The following TRAF3IP2 variants were observed in gnomAD, a reference collection of about 807,000 sequenced individuals.
TRAF3IP2 encodes E3 ubiquitin ligase TRAF3IP2.
Under a neutral mutation model 57.9 loss-of-function variants are expected in TRAF3IP2, and 35 were observed. The ratio of observed to expected loss-of-function variants is 0.60; its 90% CI spans 0.46 to 0.80. The LOEUF is 0.80. TRAF3IP2 is among the 30% of genes least tolerant of loss of function. The probability of loss-of-function intolerance (pLI) is 0.00; values close to 1 mark genes in which losing one functional copy is unlikely to be tolerated. For missense variants in TRAF3IP2, 556 were observed against 706.4 expected (o/e 0.79, Z 2.41); for synonymous variants, 251 against 268.9 (o/e 0.93, Z 0.65).
rs1181049412 is a variant in TRAF3IP2 at position 111,559,419 on chromosome 6, C to T, written c.1684G>A (p.Val562Met). The change falls in exon 9 of 9, where the codon GTG becomes ATG. Residue 562 changes from valine (V) to methionine (M), a missense_variant. Physicochemically the swap from Val to Met is conservative, Grantham distance 21. Transcript: ENST00000368761. ...GATGAACGGTGTCACAAGGGAACCA[C>T]CTGAAGGGTGGGCAGAGGCCCCCGT... is the stretch of plus-strand genomic sequence containing the variant. The part of the protein sequence containing the change: ...PPRGPLPTLQ[V>M]VPL The T allele has an allele frequency of 2.1e-5, 34 of 1,613,652 alleles. No homozygotes were observed. The highest frequency in any genetic ancestry group is 8.9e-5 in the East Asian group (4 of 44,898).
At chr6:111,568,432 AGTGTGTGTGTGTGTGTGTGTGTGTGTGT>A (rs58088162) in intron 5 of TRAF3IP2, among the ~76,000 whole-genome samples, 2,541 of 146,826 alleles carry the variant, frequency 0.017, 63 homozygotes, top group Admixed American at 0.049. Flanking sequence ...TATACTGCAG[AGTGTGTGTGTGTGTGTGTGTGTGTGTGT>A]GTGTGTGTGT....
At chr6:111,570,902 CT>C (rs1352843286) in intron 5 of TRAF3IP2, among the ~76,000 whole-genome samples, 2 of 151,384 alleles carry the variant, frequency 1.3e-5, no homozygotes, top group African/African-American at 2.4e-5. Flanking sequence ...ACAGTGCTTT[CT>C]TTTTTTCTTT....
chr6:111,585,356 C>T (rs1583234419), intron 2 of TRAF3IP2, among the ~76,000 whole-genome samples: 1 of 149,194 alleles, frequency 6.7e-6, no homozygotes, highest in African/African-American at 2.5e-5. Flanking sequence ...AATGGCTTTT[C>T]CAAGGCTTCA....
intron 1 of TRAF3IP2, among the ~76,000 whole-genome samples, chr6:111,599,349 C>T (rs1302160838): frequency 6.6e-6 from 1 of 152,064 alleles, no homozygotes; most frequent in Non-Finnish European, 1.5e-5. Flanking sequence ...CTTTTTGCCT[C>T]CTCGGGCCTG....
chr6:111,583,884 T>C (rs887640255), intron 2 of TRAF3IP2, among the ~76,000 whole-genome samples: 1 of 152,034 alleles, frequency 6.6e-6, no homozygotes, highest in Non-Finnish European at 1.5e-5. Context: ...GGTTTTTTGG[T>C]TTAATCGGTG....
chr6:111,556,510 G>T lies in TRAF3IP2; in HGVS notation c.*2895C>A, dbSNP rs904993789. Reference sequence around the variant, plus strand: ...AATCCTTAATGATGGTGTCACCTCAGACTAAAAAAGATAATGAAAAAAGAG... The same window carrying T: ...AATCCTTAATGATGGTGTCACCTCATACTAAAAAAGATAATGAAAAAAGAG... On this transcript the variant is annotated 3_prime_UTR_variant, in exon 9 of 9. Coordinates refer to ENST00000368761, the MANE Select transcript of TRAF3IP2 (RefSeq NM_147686.4). 6.6e-6 allele frequency: 1 copy of T among 152,082 alleles called. No individual in the cohort carries two copies. The highest frequency in any genetic ancestry group is 1.5e-5 in the Non-Finnish European group (1 of 68,020). The allele number at this position is 152,082 out of a possible 1,614,324, so 9.4% of individuals were successfully genotyped here.
chr6:111,585,837 G>GTTATTT (rs1562430490), intron 2 of TRAF3IP2, among the ~76,000 whole-genome samples: 1 of 152,136 alleles, frequency 6.6e-6, no homozygotes, highest in Non-Finnish European at 1.5e-5. Flanking sequence ...AATCACAAAT[G>GTTATTT]GGCGCCCAGG....
Position 111,591,950 on chromosome 6 carries a change from C to A in TRAF3IP2, c.137G>T (p.Ser46Ile). 1 of 1,614,172 alleles carries A rather than the reference C, an allele frequency of 6.2e-7. No homozygotes were observed. The highest frequency in any genetic ancestry group is 8.5e-7 in the Non-Finnish European group (1 of 1,180,044). The stretch of plus-strand genomic sequence containing the variant: ...GTGAAGCATTGTGGGTGCAGACAAG[C>A]TGTTGGGTGCCATGTTCCTTATATT... ...APNIRNMAPN[S>I]LSAPTMLHNS... Residue 46 changes from serine to isoleucine, a missense_variant, in exon 2 of 9, where the codon AGC (serine) becomes ATC (isoleucine). By Grantham distance (142) the Ser-to-Ile change is moderately radical. This residue lies in a region of TRAF3IP2 where 428 missense variants were observed against 498.7 expected (regional missense o/e 0.86). Coordinates refer to ENST00000368761, the MANE Select transcript of TRAF3IP2 (RefSeq NM_147686.4). This position sits in a 1 kb window ranked among gnomAD's most constrained non-coding sequence, Gnocchi z 4.9.
Position 111,558,607 on chromosome 6 carries a change from G to A in TRAF3IP2, c.*798C>T, listed in dbSNP as rs1795324336. ...ACCACCATGCCCGGCTAACTTTTTT[G>A]TAATTTTAGCAGAGATGGGGTTTCA... On this transcript the variant is annotated 3_prime_UTR_variant, in exon 9 of 9. Coordinates refer to ENST00000368761, the MANE Select transcript of TRAF3IP2 (RefSeq NM_147686.4). 6.6e-6 allele frequency: 1 copy of A among 152,092 alleles called. No individual in the cohort carries two copies. 9.4% of individuals were successfully genotyped at this position (152,092 alleles called of 1,614,324 possible). A position where few individuals can be genotyped will look rare whatever the true frequency, so the allele number is the denominator to read the frequency against.
chr6:111,577,712 G>A lies in TRAF3IP2; in HGVS notation c.1023-1891C>T, dbSNP rs529491501. On this transcript the variant is annotated intron_variant, in intron 3 of 8. Coordinates refer to ENST00000368761, the MANE Select transcript of TRAF3IP2 (RefSeq NM_147686.4). ...TTGTGTGTATGTGTGTGTGTGTTTT[G>A]TTTGTTTTTTAGTTTTTGAGACAGA... is the stretch of plus-strand genomic sequence containing the variant. 1.1e-4 allele frequency among the ~76,000 whole-genome samples: 16 copies of A among 150,784 alleles called. No individual in the cohort carries two copies. In the South Asian group the frequency reaches 3.4e-3, roughly 32 times the overall value.
chr6:111,579,376 C>T (rs554843348), intron 3 of TRAF3IP2, among the ~76,000 whole-genome samples: 9 of 144,140 alleles, frequency 6.2e-5, no homozygotes, highest in South Asian at 4.4e-4. Context: ...CATGAAAATA[C>T]GGAGTTAAGC....
chr6:111,577,587 C>T (rs1308591722), intron 3 of TRAF3IP2, among the ~76,000 whole-genome samples: 2 of 151,774 alleles, frequency 1.3e-5, no homozygotes, highest in Non-Finnish European at 2.9e-5. Context: ...GATGGGATTT[C>T]GCCATGTTGC....
intron 1 of TRAF3IP2, among the ~76,000 whole-genome samples, chr6:111,602,499 GAAGT>G (rs1248532075): frequency 6.6e-6 from 1 of 152,156 alleles, no homozygotes; most frequent in Non-Finnish European, 1.5e-5. Flanking sequence ...GAACGGAAGA[GAAGT>G]AAGGAAAGTG....
intron 7 of TRAF3IP2, among the ~76,000 whole-genome samples, chr6:111,563,258 G>C (rs1215855151): frequency 3.3e-5 from 5 of 152,156 alleles, no homozygotes; most frequent in African/African-American, 1.2e-4. Flanking sequence ...GTCAGACTTT[G>C]GGTTTTAAGG....
At chr6:111,562,182 G>A (rs1488453606) in intron 8 of TRAF3IP2, among the ~76,000 whole-genome samples, 1 of 152,200 alleles carries the variant, frequency 6.6e-6, no homozygotes, top group African/African-American at 2.4e-5. Flanking sequence ...CTTGCTGGCA[G>A]ACCCTTCTGG....
At chr6:111,579,239 C>A (rs1796085313) in intron 3 of TRAF3IP2, among the ~76,000 whole-genome samples, 1 of 144,286 alleles carries the variant, frequency 6.9e-6, no homozygotes. Flanking sequence ...ATAGCTTGAA[C>A]CCAGGAGGCG....
intron 2 of TRAF3IP2, among the ~76,000 whole-genome samples, chr6:111,587,904 T>C (rs1021233637): frequency 1.3e-5 from 2 of 152,216 alleles, no homozygotes; most frequent in African/African-American, 4.8e-5. Flanking sequence ...TAATAAACAT[T>C]CTTGTTCTTG....
At chr6:111,567,799 T>A in intron 5 of TRAF3IP2, 107 bp from the exon 6 acceptor site, 1 of 815,494 alleles carries the variant, frequency 1.2e-6, no homozygotes, top group Non-Finnish European at 1.8e-6. Flanking sequence ...AAAACTTAAC[T>A]AATGCTTTTT....
intron 5 of TRAF3IP2, 41 bp from the exon 6 acceptor site, chr6:111,567,733 G>T (rs545934826): frequency 2.6e-6 from 4 of 1,511,260 alleles, no homozygotes; most frequent in Non-Finnish European, 3.6e-6. Context: ...TTAATGAGAG[G>T]TTCTCTCAAG....
Sources: allele counts gnomAD v4.1 joint callset (sites outside exome capture counted in the v4.1 genomes callset), GRCh38; gene constraint gnomAD v4.1.1; regional missense constraint gnomAD v4.1.1; non-coding constraint Gnocchi (gnomAD v3.1); transcripts MANE v1.5; gene names NCBI Gene and HGNC (gene_info 2026-07-23, HGNC 2026-07-21).